TMEM143: variants seen among roughly 807,000 people sequenced by gnomAD.
TMEM143 encodes the protein transmembrane protein 143.
A neutral mutation model predicts 40.3 loss-of-function variants in TMEM143; 45 were observed. The ratio of observed to expected loss-of-function variants is 1.12; its 90% CI spans 0.88 to 1.43. The LOEUF is 1.43. TMEM143 is among the 40% of genes most tolerant of loss of function. TMEM143 has a pLI of 0.00. For missense variants in TMEM143, 620 were observed against 613.4 expected (o/e 1.01, Z -0.11); for synonymous variants, 299 against 282.7 (o/e 1.06, Z -0.58).
At position 48,333,417 on chromosome 19, in the gene TMEM143, G is replaced by C; in HGVS notation, c.1182C>G (p.Leu394=). Residue 394 remains leucine, a synonymous_variant, in exon 8 of 8, where the codon CTC becomes CTG. Transcript: ENST00000293261. This position sits in a 1 kb window ranked among gnomAD's most constrained non-coding sequence, Gnocchi z 4.1. ...GGAGCCAGTTCTCCACCTCCGACCG[G>C]AGCCACCTGGAGGTCTCTGCAAGGG... The part of the protein sequence containing the change: ...QGSPEETSRW[L]RSEVENWLLA... The C allele has an allele frequency of 6.3e-7, 1 of 1,592,724 alleles. No individual in the cohort carries two copies. The highest frequency in any genetic ancestry group is 8.6e-7 in the Non-Finnish European group (1 of 1,166,912).
chr19:48,334,383 T>G (rs953196917), intron 6 of TMEM143, among the ~76,000 whole-genome samples, 186 bp from the exon 7 acceptor site: 12 of 152,288 alleles, frequency 7.9e-5, no homozygotes, highest in South Asian at 4.1e-4. Flanking sequence ...TGGGGATTTT[T>G]GGGGTCTGTC....
Position 48,333,970 on chromosome 19 carries a change from G to C in TMEM143, c.1165+38C>G. On this transcript the variant is annotated intron_variant, in intron 7 of 7. Transcript: ENST00000293261. The surrounding 1 kb of genome is among the most constrained non-coding windows in gnomAD (Gnocchi z 4.1). The stretch of plus-strand genomic sequence containing the variant: ...CGCTGGGGCGGGGCCTCGCGGGGGT[G>C]TGGCCCCTGGGGGCAGGGTCCCAGG... The C allele has an allele frequency of 6.7e-7, 1 of 1,491,360 alleles. No homozygotes were observed. Among genetic ancestry groups the C allele is most frequent in the African/African-American group, 1.4e-5 (1 of 71,580 alleles). 92.4% of individuals were successfully genotyped at this position (1,491,360 alleles called of 1,614,324 possible).
chr19:48,345,182 T>G lies in TMEM143; in HGVS notation c.542A>C (p.His181Pro). Residue 181 changes from histidine to proline, a missense_variant, in exon 4 of 8, where the codon CAC (histidine) becomes CCC (proline). Transcript: ENST00000293261. ...TACCTGGACCTCATCCTGAGGGTGG[T>G]GGACCACCAGCGCGTAGGCCAGGGT... is the stretch of plus-strand genomic sequence containing the variant. The part of the protein sequence containing the change: ...EDTLAYALVV[H>P]HPQDEVQVTV... 6.2e-7 allele frequency: 1 copy of G among 1,613,450 alleles called. No individual in the cohort carries two copies. The highest frequency in any genetic ancestry group is 8.5e-7 in the Non-Finnish European group (1 of 1,179,672).
At chr19:48,340,905 C>A (rs1011525885) in intron 6 of TMEM143, among the ~76,000 whole-genome samples, 1 of 152,168 alleles carries the variant, frequency 6.6e-6, no homozygotes, top group Non-Finnish European at 1.5e-5. Flanking sequence ...CTTTCTCCAC[C>A]AGGCTCAATT....
intron 3 of TMEM143, 91 bp from the exon 4 acceptor site, chr19:48,345,445 CATTTATTT>C (rs146325765): frequency 6.2e-6 from 4 of 642,106 alleles, no homozygotes; most frequent in African/African-American, 4.1e-5. Flanking sequence ...CAGATACTTT[CATTTATTT>C]ATTTATTTAT....
At chr19:48,351,066 A>G (rs1969760142) in intron 3 of TMEM143, among the ~76,000 whole-genome samples, 4 of 151,892 alleles carry the variant, frequency 2.6e-5, no homozygotes, top group Admixed American at 2.6e-4. Context: ...TCTGCAGTCC[A>G]GATATCTCGC....
rs376424587 is a variant in TMEM143 at position 48,363,900 on chromosome 19, T to C, written c.21A>G (p.Leu7=). The C allele has an allele frequency of 2.0e-5, 33 of 1,613,744 alleles. No homozygotes were observed. The highest frequency in any genetic ancestry group is 3.3e-5 in the Admixed American group (2 of 59,974). ...CAATCCCCCGATTTCTCCCTCACCTTAGCCAAAGCTCGACTGTCATTGAGC... is the reference window on the plus strand; with the variant it reads ...CAATCCCCCGATTTCTCCCTCACCTCAGCCAAAGCTCGACTGTCATTGAGC... MTVELW[L]RLRGKGLAML... The change falls in exon 1 of 8, where the codon CTA becomes CTG. Residue 7 remains leucine, a splice_region_variant and synonymous_variant. Coordinates refer to ENST00000293261, the MANE Select transcript of TMEM143 (RefSeq NM_018273.4).
chr19:48,356,893 C>CTTT (rs150265757), intron 3 of TMEM143, among the ~76,000 whole-genome samples: 2 of 50,388 alleles, frequency 4.0e-5, no homozygotes, highest in African/African-American at 7.9e-5. Flanking sequence ...AGCACCTGGC[C>CTTT]TTTTTTTTTT....
At chr19:48,342,938 G>T (rs1969537010) in intron 5 of TMEM143, 129 bp from the exon 6 acceptor site, 2 of 1,177,114 alleles carry the variant, frequency 1.7e-6, no homozygotes, top group East Asian at 2.6e-5. Context: ...AGTAATCATG[G>T]GGAAGAAACC....
At chr19:48,343,526 T>C in intron 4 of TMEM143, 75 bp from the exon 5 acceptor site, 1 of 1,491,976 alleles carries the variant, frequency 6.7e-7, no homozygotes, top group Non-Finnish European at 9.0e-7. Context: ...CAGAATCAGA[T>C]GTCCTGCCCC....
rs1457774534 is a variant in TMEM143, at chr19:48,348,047, GAGAA to G, written c.370-2697_370-2694del. On this transcript the variant is annotated intron_variant, in intron 3 of 7. Coordinates refer to ENST00000293261, the MANE Select transcript of TMEM143 (RefSeq NM_018273.4). The stretch of plus-strand genomic sequence containing the variant: ...TCTCAAAAAAAAAAAAAAAGAAAAA[GAGAA>G]AGAGTCAAGCCAAGAAAATCCTCCT... Among the ~76,000 whole-genome samples, 3 of 146,562 alleles carry G rather than the reference GAGAA, an allele frequency of 2.0e-5. No homozygotes were observed. In the Admixed American group the frequency reaches 2.1e-4, roughly 10 times the overall value.
At chr19:48,334,479 T>C (rs61227592) in intron 6 of TMEM143, among the ~76,000 whole-genome samples, 1,596 of 56,844 alleles carry the variant, frequency 0.028, 53 homozygotes, top group African/African-American at 0.079. Flanking sequence ...TCTTTCTTTC[T>C]TTTTCTTTCT....
chr19:48,345,295 A>T lies in TMEM143; in HGVS notation c.429T>A (p.Asp143Glu). ...RETLDQPSLT[D>E]PQRLSNEQEV... ...CCTGCTCATTAGACAGACGCTGGGG[A>T]TCCGTTAGTGATGGCTGATCGAGGG... is the stretch of plus-strand genomic sequence containing the variant. The change falls in exon 4 of 8, where the codon GAT becomes GAA. Residue 143 changes from aspartate to glutamate, a missense_variant. Asp to Glu is a conservative substitution (Grantham distance 45). Coordinates refer to ENST00000293261, the MANE Select transcript of TMEM143 (RefSeq NM_018273.4). 1 of 1,607,394 alleles carries T rather than the reference A, an allele frequency of 6.2e-7. No homozygotes were observed. Among genetic ancestry groups the T allele is most frequent in the Non-Finnish European group, 8.5e-7 (1 of 1,176,930 alleles).
At chr19:48,354,213 C>T (rs912598547) in intron 3 of TMEM143, among the ~76,000 whole-genome samples, 11 of 150,908 alleles carry the variant, frequency 7.3e-5, no homozygotes, top group African/African-American at 2.7e-4. Context: ...CCTGCCTCGG[C>T]CTCCCAAAGT....
At chr19:48,353,323 GCGCCAGCCAC>G (rs1969816681) in intron 3 of TMEM143, among the ~76,000 whole-genome samples, 1 of 151,632 alleles carries the variant, frequency 6.6e-6, no homozygotes, top group African/African-American at 2.4e-5. Context: ...GGGATTACAG[GCGCCAGCCAC>G]CATGCCCAGC....
chr19:48,335,434 A>G (rs1969346192), intron 6 of TMEM143, among the ~76,000 whole-genome samples: 1 of 152,176 alleles, frequency 6.6e-6, no homozygotes, highest in Non-Finnish European at 1.5e-5. Context: ...AAATTAAAAA[A>G]CAATAGCAGG....
At chr19:48,347,656 A>C (rs275584) in intron 3 of TMEM143, among the ~76,000 whole-genome samples, 1 of 150,546 alleles carries the variant, frequency 6.6e-6, no homozygotes, top group Non-Finnish European at 1.5e-5. Context: ...TCCCAGGTTC[A>C]AGCGATTCTC....
At chr19:48,338,613 C>G (rs936025994) in intron 6 of TMEM143, among the ~76,000 whole-genome samples, 1 of 152,264 alleles carries the variant, frequency 6.6e-6, no homozygotes, top group African/African-American at 2.4e-5. Flanking sequence ...CGAGCAGATG[C>G]AGCCTCGGGC....
chr19:48,339,210 G>C (rs1969435976), intron 6 of TMEM143, among the ~76,000 whole-genome samples: 1 of 152,148 alleles, frequency 6.6e-6, no homozygotes, highest in Non-Finnish European at 1.5e-5. Context: ...GTGGGCTGGG[G>C]GTCTAGCCAG....
Sources: allele counts gnomAD v4.1 joint callset (sites outside exome capture counted in the v4.1 genomes callset), GRCh38; gene constraint gnomAD v4.1.1; non-coding constraint Gnocchi (gnomAD v3.1); transcripts MANE v1.5; gene names NCBI Gene and HGNC (gene_info 2026-07-23, HGNC 2026-07-21).